The following EPC1 variants were observed in gnomAD, a reference collection of about 807,000 sequenced individuals.
EPC1 encodes enhancer of polycomb 1, also known as enhancer of polycomb homolog 1.
A neutral mutation model predicts 98.4 loss-of-function variants in EPC1; 12 were observed. The ratio of observed to expected loss-of-function variants is 0.12; its 90% CI spans 0.08 to 0.20. EPC1 has a LOEUF of 0.20. Ranked by LOEUF, EPC1 falls within the 10% of genes least tolerant of loss-of-function variation. EPC1 has a pLI of 1.00. For synonymous variants in EPC1, 357 were observed against 363.9 expected (o/e 0.98, Z 0.21); for missense variants, 729 against 990.5 (o/e 0.74, Z 3.54).
chr10:32,339,026 T>C (rs975747565), intron 1 of EPC1, among the ~76,000 whole-genome samples: 1 of 152,046 alleles, frequency 6.6e-6, no homozygotes, highest in Non-Finnish European at 1.5e-5. Context: ...ATAAAAGTTA[T>C]TTTCTGACTA....
At chr10:32,342,047 T>G (rs1838391373) in intron 1 of EPC1, among the ~76,000 whole-genome samples, 1 of 152,216 alleles carries the variant, frequency 6.6e-6, no homozygotes, top group Non-Finnish European at 1.5e-5. Context: ...TTGGACAGTA[T>G]AGAAAGCTGA....
At chr10:32,343,296 C>T (rs1271237523) in intron 1 of EPC1, among the ~76,000 whole-genome samples, 1 of 152,146 alleles carries the variant, frequency 6.6e-6, no homozygotes, top group African/African-American at 2.4e-5. Context: ...CTGCAACTTC[C>T]ACCTCCCGGG....
intron 1 of EPC1, among the ~76,000 whole-genome samples, chr10:32,343,246 C>T (rs185821510): frequency 1.4e-4 from 21 of 152,216 alleles, no homozygotes; most frequent in Admixed American, 9.8e-4. Flanking sequence ...TTTCGCTCTT[C>T]TTGCACAGGC....
chr10:32,363,061 AG>A (rs71515556), intron 1 of EPC1, among the ~76,000 whole-genome samples: 79,216 of 151,946 alleles, frequency 0.52, 22,837 homozygotes, highest in East Asian at 0.69. Flanking sequence ...TATCTGTAAC[AG>A]GAAGAGGGAG....
At chr10:32,309,095 A>G (rs1452805214) in intron 1 of EPC1, among the ~76,000 whole-genome samples, 1 of 152,152 alleles carries the variant, frequency 6.6e-6, no homozygotes, top group Non-Finnish European at 1.5e-5. Flanking sequence ...AAACAATTGA[A>G]CTCAATTGTT....
rs1835936576 is a variant in EPC1 at position 32,273,492 on chromosome 10, A to T, written c.1745-211T>A. Among the ~76,000 whole-genome samples, 3 of 152,284 alleles carry T rather than the reference A, an allele frequency of 2.0e-5. No individual in the cohort carries two copies. In the South Asian group the frequency reaches 6.2e-4, roughly 32 times the overall value. On this transcript the variant is annotated intron_variant, in intron 10 of 13. Coordinates refer to ENST00000319778, the MANE Select transcript of EPC1 (RefSeq NM_001272004.3). ...TGGCATGAATTTAAAGAAAAAAAAA[A>T]TTAAACTTCCTGAATTAAACACAGG...
intron 13 of EPC1, among the ~76,000 whole-genome samples, chr10:32,270,973 G>A (rs1359263660): frequency 2.0e-5 from 3 of 149,886 alleles, no homozygotes; most frequent in South Asian, 2.1e-4. Context: ...ATCCAAAGAC[G>A]GAAGAAAACT....
At chr10:32,314,371 A>G (rs1209292568) in intron 1 of EPC1, among the ~76,000 whole-genome samples, 1 of 152,180 alleles carries the variant, frequency 6.6e-6, no homozygotes, top group Non-Finnish European at 1.5e-5. Flanking sequence ...CTTTGCTATC[A>G]TGGCACCCAG....
rs1835699949 is a variant in EPC1 at position 32,268,829 on chromosome 10, CAA to C, written c.*232_*233del. 3 of 232,054 alleles carry C rather than the reference CAA, an allele frequency of 1.3e-5. No individual in the cohort carries two copies. The highest frequency in any genetic ancestry group is 2.4e-5 in the Non-Finnish European group (3 of 123,238). 14.4% of individuals were successfully genotyped at this position (232,054 alleles called of 1,614,324 possible). A position where few individuals can be genotyped will look rare whatever the true frequency, so the allele number is the denominator to read the frequency against. The stretch of plus-strand genomic sequence containing the variant: ...AAGTAACATATATACAAGGGTATTA[CAA>C]ATATGCAGTACTGTACAGATAATTG... On this transcript the variant is annotated 3_prime_UTR_variant, in exon 14 of 14. Transcript: ENST00000319778.
intron 1 of EPC1, among the ~76,000 whole-genome samples, chr10:32,373,144 A>G (rs929234515): frequency 6.6e-6 from 1 of 152,196 alleles, no homozygotes; most frequent in Non-Finnish European, 1.5e-5. Flanking sequence ...TTCAAACTCT[A>G]GCTTTTTCAT....
chr10:32,270,896 T>C (rs569740919), intron 13 of EPC1, among the ~76,000 whole-genome samples: 1 of 149,356 alleles, frequency 6.7e-6, no homozygotes, highest in Admixed American at 6.7e-5. Context: ...CTATCAATTC[T>C]ACCTGTTTAC....
chr10:32,334,874 T>C (rs998877518), intron 1 of EPC1, among the ~76,000 whole-genome samples: 2 of 152,116 alleles, frequency 1.3e-5, no homozygotes, highest in Non-Finnish European at 2.9e-5. Flanking sequence ...AATGTCTCCA[T>C]AGTGGGAGAA....
At chr10:32,340,003 T>C (rs1564556358) in intron 1 of EPC1, among the ~76,000 whole-genome samples, 1 of 152,238 alleles carries the variant, frequency 6.6e-6, no homozygotes, top group South Asian at 2.1e-4. Context: ...CTATATTAAA[T>C]CATTCACAGG....
intron 1 of EPC1, among the ~76,000 whole-genome samples, chr10:32,340,891 G>T (rs1016970223): frequency 6.8e-6 from 1 of 147,734 alleles, no homozygotes; most frequent in African/African-American, 2.5e-5. Context: ...TCTTCTCATT[G>T]ATTTCTCAGA....
At chr10:32,309,214 G>A (rs1440154293) in intron 1 of EPC1, among the ~76,000 whole-genome samples, 1 of 152,114 alleles carries the variant, frequency 6.6e-6, no homozygotes, top group Non-Finnish European at 1.5e-5. Flanking sequence ...GTATTTGATA[G>A]CACAGCAGGA....
At chr10:32,338,434 A>G (rs1838111186) in intron 1 of EPC1, among the ~76,000 whole-genome samples, 1 of 152,186 alleles carries the variant, frequency 6.6e-6, no homozygotes, top group African/African-American at 2.4e-5. Context: ...TTGAAAAACC[A>G]TTAAATCAGA....
At position 32,272,063 on chromosome 10, in the gene EPC1, C is replaced by T. The variant is rs140381525; in HGVS notation, c.1968G>A (p.Val656=). The change falls in exon 12 of 14, where the codon GTG becomes GTA. Residue 656 remains valine (V), a synonymous_variant. Coordinates refer to ENST00000319778, the MANE Select transcript of EPC1 (RefSeq NM_001272004.3). The part of the protein sequence containing the change: ...LMGFKMKDDV[V]LGIGVNGVLP... ...GGACGCCATTCACCCCGATTCCAAG[C>T]ACCACATCATCCTTCATCTTGAATC... is the stretch of plus-strand genomic sequence containing the variant. 2.5e-6 allele frequency: 4 copies of T among 1,613,744 alleles called. No individual in the cohort carries two copies. Among genetic ancestry groups the T allele is most frequent in the African/African-American group, 1.3e-5 (1 of 74,914 alleles).
At chr10:32,343,258 G>GT (rs1193337610) in intron 1 of EPC1, among the ~76,000 whole-genome samples, 1 of 152,118 alleles carries the variant, frequency 6.6e-6, no homozygotes, top group Admixed American at 6.5e-5. Context: ...TGCACAGGCT[G>GT]TGAGTGCAGT....
intron 1 of EPC1, among the ~76,000 whole-genome samples, chr10:32,371,834 C>T (rs563791758): frequency 1.3e-4 from 20 of 152,064 alleles, no homozygotes; most frequent in Non-Finnish European, 2.1e-4. Context: ...AACCAGGAGG[C>T]GGAGTTTGCA....
Sources: gnomAD v4.1 joint callset for allele counts (sites outside exome capture counted in the v4.1 genomes callset) on GRCh38, gnomAD v4.1.1 for gene constraint, MANE v1.5 for transcripts, NCBI Gene and HGNC (gene_info 2026-07-23, HGNC 2026-07-21) for gene names.